The following SIDT2 variants were observed in gnomAD, a reference collection of about 807,000 sequenced individuals.
The protein encoded by SIDT2 is SID1 transmembrane family member 2, also known as SID1 transmembrane family, member 2.
In SIDT2, 68 loss-of-function variants were observed where a neutral mutation model predicts 114.4. The observed-to-expected ratio is 0.59, with a 90% CI of 0.49 to 0.73. The LOEUF (loss-of-function observed/expected upper bound fraction) is 0.73. Among genes scored for constraint, SIDT2 ranks in the 30% least tolerant of loss-of-function variants. The probability of loss-of-function intolerance (pLI) is 0.00; values close to 1 mark genes in which losing one functional copy is unlikely to be tolerated. For missense variants in SIDT2, 918 were observed against 1,097.1 expected (o/e 0.84, Z 2.31); for synonymous variants, 470 against 438.4 (o/e 1.07, Z -0.90).
chr11:117,187,751 G>A (rs746472900), intron 12 of SIDT2, 52 bp downstream of exon 12: 1 of 1,578,780 alleles, frequency 6.3e-7, no homozygotes, highest in Non-Finnish European at 8.7e-7. Flanking sequence ...GTGTTGTCTG[G>A]GTAAAATGTC....
chr11:117,186,371 A>G, intron 9 of SIDT2, 148 bp downstream of exon 9: 1 of 826,776 alleles, frequency 1.2e-6, no homozygotes, highest in Non-Finnish European at 2.0e-6. Context: ...GTGGCCCATG[A>G]GCCTCTCTAG....
At chr11:117,179,604 C>T (rs2030184435) in intron 1 of SIDT2, 158 bp downstream of exon 1, 2 of 658,472 alleles carry the variant, frequency 3.0e-6, no homozygotes, top group Admixed American at 3.3e-5. Flanking sequence ...GACCAGTCCT[C>T]CTTCCTTTGC....
In SIDT2 at chr11:117,190,578, C is replaced by T. The variant is rs1181503265; in HGVS notation, c.1618-45C>T. The T allele has an allele frequency of 6.7e-7, 1 of 1,485,926 alleles. No homozygotes were observed. Among genetic ancestry groups the T allele is most frequent in the Non-Finnish European group, 9.2e-7 (1 of 1,087,084 alleles). The allele number at this position is 1,485,926 out of a possible 1,614,324, so 92.0% of individuals were successfully genotyped here. A position where few individuals can be genotyped will look rare whatever the true frequency, so the allele number is the denominator to read the frequency against. On this transcript the variant is annotated intron_variant, in intron 17 of 25. Transcript: ENST00000324225. The surrounding 1 kb of genome is among the most constrained non-coding windows in gnomAD (Gnocchi z 4.1). The stretch of plus-strand genomic sequence containing the variant: ...CTCTTTTGGGTCCCTTCTTCCCTTC[C>T]TGCCTCACTTCCTCCCTCCCTTCCC...
intron 24 of SIDT2, 187 bp downstream of exon 24, chr11:117,194,150 AATAAAAAT>A (rs2030804973): frequency 1.9e-6 from 1 of 521,722 alleles, no homozygotes; most frequent in African/African-American, 1.9e-5. Context: ...AAAATAAAAA[AATAAAAAT>A]AAAAAAATTA....
rs777578891 is a variant in SIDT2, at chr11:117,186,098, G to A, written c.869-32G>A. 5.0e-6 allele frequency: 8 copies of A among 1,588,430 alleles called. No homozygotes were observed. The Admixed American group carries it at 1.0e-4, about 20-fold the overall frequency. Reference sequence around the variant, plus strand: ...ATGATGGGAGGTGGTGGAAGGTTTTGACCTGTCCACCTTCCTGTTTCCTCC... The same window carrying A: ...ATGATGGGAGGTGGTGGAAGGTTTTAACCTGTCCACCTTCCTGTTTCCTCC... On this transcript the variant is annotated intron_variant, in intron 8 of 25. Transcript: ENST00000324225.
In SIDT2 at chr11:117,195,789, G is replaced by T. The variant is rs2030875025; in HGVS notation, c.2323-13G>T. 1 of 1,613,764 alleles carries T rather than the reference G, an allele frequency of 6.2e-7. No homozygotes were observed. The highest frequency in any genetic ancestry group is 1.1e-5 in the South Asian group (1 of 91,092). ...GCAGGGTCATTCGGCAGTTTTTCTT[G>T]TTGCTCCCCAAGAAAACCCCTGCAG... On this transcript the variant is annotated splice_polypyrimidine_tract_variant and intron_variant, in intron 24 of 25. Coordinates refer to ENST00000324225, the MANE Select transcript of SIDT2 (RefSeq NM_001040455.2).
intron 4 of SIDT2, 174 bp from the exon 5 acceptor site, chr11:117,182,345 A>G (rs2030321615): frequency 1.4e-6 from 1 of 709,328 alleles, no homozygotes; most frequent in Admixed American, 2.6e-5. Context: ...GGTTGAAGGG[A>G]ATGGTATACA....
chr11:117,188,769 G>T lies in SIDT2; in HGVS notation c.1221G>T (p.Glu407Asp), dbSNP rs2030592715. Residue 407 changes from glutamate (E) to aspartate (D), a missense_variant, in exon 13 of 26, where the codon GAG becomes GAT. By Grantham distance (45) the Glu-to-Asp change is conservative. Coordinates refer to ENST00000324225, the MANE Select transcript of SIDT2 (RefSeq NM_001040455.2). The surrounding 1 kb of genome is among the most constrained non-coding windows in gnomAD (Gnocchi z 4.0). ...PRVDSMSSVE[E>D]DDYDTLTDID... ...TGGACTCCATGAGCTCTGTGGAGGA[G>T]GATGACTACGACACATTGACCGACA... 6.2e-7 allele frequency: 1 copy of T among 1,614,184 alleles called. No individual in the cohort carries two copies. The highest frequency in any genetic ancestry group is 1.1e-5 in the South Asian group (1 of 91,082).
chr11:117,187,429 G>A lies in SIDT2; in HGVS notation c.1067G>A (p.Gly356Asp), dbSNP rs2030539793. The A allele has an allele frequency of 1.9e-6, 3 of 1,614,060 alleles. No homozygotes were observed. Among genetic ancestry groups the A allele is most frequent in the Non-Finnish European group, 2.5e-6 (3 of 1,179,982 alleles). Residue 356 changes from glycine to aspartate, a missense_variant, in exon 11 of 26, where the codon GGT becomes GAT. Coordinates refer to ENST00000324225, the MANE Select transcript of SIDT2 (RefSeq NM_001040455.2). Reference protein sequence around the residue: ...DSFPGSSPYEGYNYGSFENVS... With the variant: ...DSFPGSSPYEDYNYGSFENVS... ...TTTCCTGGCAGTTCCCCTTATGAGG[G>A]TTACAACTATGGCTCCTTTGGTACG...
In SIDT2 at chr11:117,191,488, G is replaced by A. The variant is rs1232144774; in HGVS notation, c.1736-390G>A. ...AATCTCAGCTACTCAGGGGGCTGAG[G>A]CAGGAGAATTGCTTGAGCCCAGGAA... On this transcript the variant is annotated intron_variant, in intron 18 of 25. Transcript: ENST00000324225. 2.0e-5 allele frequency: 4 copies of A among 198,520 alleles called. No individual in the cohort carries two copies. The East Asian group carries it at 4.5e-4, about 22-fold the overall frequency. The allele number at this position is 198,520 out of a possible 1,614,324, so 12.3% of individuals were successfully genotyped here.
In SIDT2 at chr11:117,192,611, C is replaced by T. The variant is rs776960432; in HGVS notation, c.2019C>T (p.Tyr673=). Residue 673 remains tyrosine, a synonymous_variant, in exon 21 of 26, where the codon TAC becomes TAT. Coordinates refer to ENST00000324225, the MANE Select transcript of SIDT2 (RefSeq NM_001040455.2). This position sits in a 1 kb window ranked among gnomAD's most constrained non-coding sequence, Gnocchi z 5.9. ...GIFRRILHVL[Y]TDCIRQCSGP... ...TCCGCCGCATCCTCCACGTGCTCTA[C>T]ACAGACTGCATCCGGCAGTGCAGCG... 3.1e-6 allele frequency: 5 copies of T among 1,611,530 alleles called. No homozygotes were observed. The highest frequency in any genetic ancestry group is 4.2e-6 in the Non-Finnish European group (5 of 1,180,032).
chr11:117,194,101 G>C, intron 24 of SIDT2, 138 bp downstream of exon 24: 1 of 642,814 alleles, frequency 1.6e-6, no homozygotes, highest in African/African-American at 1.8e-5. Flanking sequence ...AGGCGTTCAA[G>C]ACCAGCCTGG....
Position 117,190,339 on chromosome 11 carries a change from T to A in SIDT2, c.1617+50T>A, listed in dbSNP as rs2030653365. 6.6e-7 allele frequency: 1 copy of A among 1,519,374 alleles called. No homozygotes were observed. Among genetic ancestry groups the A allele is most frequent in the African/African-American group, 1.4e-5 (1 of 71,656 alleles). 94.1% of individuals were successfully genotyped at this position (1,519,374 alleles called of 1,614,324 possible). On this transcript the variant is annotated intron_variant, in intron 17 of 25. Coordinates refer to ENST00000324225, the MANE Select transcript of SIDT2 (RefSeq NM_001040455.2). The surrounding 1 kb of genome is among the most constrained non-coding windows in gnomAD (Gnocchi z 4.1). The stretch of plus-strand genomic sequence containing the variant: ...CGCAGCCTCAGCTCCAGCACAGACC[T>A]CAAGCCTTGGCTCCAGGACACCCTT...
chr11:117,189,261 T>C lies in SIDT2; in HGVS notation c.1352+19T>C. ...ACTTCTGGTGAGTGGGCTGAGTGTC[T>C]GGGGCTCTGCTGTTGGTGGGTGTGT... On this transcript the variant is annotated intron_variant, in intron 14 of 25. Transcript: ENST00000324225. The C allele has an allele frequency of 6.2e-7, 1 of 1,614,104 alleles. No individual in the cohort carries two copies. The highest frequency in any genetic ancestry group is 1.1e-5 in the South Asian group (1 of 91,088).
intron 24 of SIDT2, among the ~76,000 whole-genome samples, chr11:117,194,839 A>T (rs920056645): frequency 6.6e-6 from 1 of 152,116 alleles, no homozygotes; most frequent in Non-Finnish European, 1.5e-5. Flanking sequence ...CTGTAATCCC[A>T]GCACTTTGGG....
At position 117,179,193 on chromosome 11, in the gene SIDT2, C is replaced by A; in HGVS notation, c.-71C>A. ...AGCTGCGGCCGCAGCCGCAACCCGTCCCGGAGGTGTCCTGTCTCCTGTCGC... is the reference window on the plus strand; with the variant it reads ...AGCTGCGGCCGCAGCCGCAACCCGTACCGGAGGTGTCCTGTCTCCTGTCGC... On this transcript the variant is annotated 5_prime_UTR_variant, in exon 1 of 26. Transcript: ENST00000324225. 1 of 1,482,308 alleles carries A rather than the reference C, an allele frequency of 6.7e-7. No homozygotes were observed. Among genetic ancestry groups the A allele is most frequent in the Non-Finnish European group, 9.2e-7 (1 of 1,091,972 alleles). The allele number at this position is 1,482,308 out of a possible 1,614,324, so 91.8% of individuals were successfully genotyped here. A position where few individuals can be genotyped will look rare whatever the true frequency, so the allele number is the denominator to read the frequency against.
At position 117,190,913 on chromosome 11, in the gene SIDT2, C is replaced by T. The variant is rs922930764; in HGVS notation, c.1735+173C>T. On this transcript the variant is annotated intron_variant, in intron 18 of 25. Coordinates refer to ENST00000324225, the MANE Select transcript of SIDT2 (RefSeq NM_001040455.2). This position sits in a 1 kb window ranked among gnomAD's most constrained non-coding sequence, Gnocchi z 4.1. ...CCTATGGAACATGGGCACCTAGATGCTGCTTCATTCATCTGTCAAGCTATT... is the reference window on the plus strand; with the variant it reads ...CCTATGGAACATGGGCACCTAGATGTTGCTTCATTCATCTGTCAAGCTATT... The T allele has an allele frequency of 1.7e-6, 1 of 584,948 alleles. No individual in the cohort carries two copies. Among genetic ancestry groups the T allele is most frequent in the Non-Finnish European group, 3.1e-6 (1 of 325,294 alleles). 36.2% of individuals were successfully genotyped at this position (584,948 alleles called of 1,614,324 possible).
At position 117,181,662 on chromosome 11, in the gene SIDT2, A is replaced by G. The variant is rs373134983; in HGVS notation, c.305+125A>G. The stretch of plus-strand genomic sequence containing the variant: ...GGCTGGGAGGCTGGTCAACAGCACA[A>G]GGGCCGAGTCCCACCAGCCGGGAGC... On this transcript the variant is annotated intron_variant, in intron 2 of 25. Transcript: ENST00000324225. 330 of 1,572,730 alleles carry G rather than the reference A, an allele frequency of 2.1e-4. 1 individual carries two copies. In the East Asian group the frequency reaches 6.0e-3, roughly 28 times the overall value.
At position 117,195,784 on chromosome 11, in the gene SIDT2, T is replaced by C; in HGVS notation, c.2323-18T>C. ...CCAGAGCAGGGTCATTCGGCAGTTTTTCTTGTTGCTCCCCAAGAAAACCCC... is the reference window on the plus strand; with the variant it reads ...CCAGAGCAGGGTCATTCGGCAGTTTCTCTTGTTGCTCCCCAAGAAAACCCC... On this transcript the variant is annotated intron_variant, in intron 24 of 25. Transcript: ENST00000324225. 6.2e-7 allele frequency: 1 copy of C among 1,613,826 alleles called. No individual in the cohort carries two copies. The highest frequency in any genetic ancestry group is 8.5e-7 in the Non-Finnish European group (1 of 1,179,780).
Sources: gnomAD v4.1 joint callset for allele counts (sites outside exome capture counted in the v4.1 genomes callset) on GRCh38, gnomAD v4.1.1 for gene constraint, Gnocchi (gnomAD v3.1) non-coding constraint, MANE v1.5 for transcripts, NCBI Gene and HGNC (gene_info 2026-07-23, HGNC 2026-07-21) for gene names.